SIGLECL1: variants seen among roughly 807,000 people sequenced by gnomAD.
The protein encoded by SIGLECL1 is SIGLEC family like 1.
SIGLECL1 carries 16 observed loss-of-function variants against 19.1 expected under a neutral mutation model. The ratio of observed to expected loss-of-function variants is 0.84; its 90% confidence interval spans 0.57 to 1.27. The LOEUF is 1.27. Ranked by LOEUF, SIGLECL1 falls within the 50% of genes most tolerant of loss-of-function variation. SIGLECL1 has a pLI of 0.00. For missense variants in SIGLECL1, 210 were observed against 239.4 expected (o/e 0.88, Z 0.81); for synonymous variants, 89 against 90.4 (o/e 0.98, Z 0.09).
At chr19:51,255,637 A>C (rs553799802) in intron 1 of SIGLECL1, among the ~76,000 whole-genome samples, 2 of 152,228 alleles carry the variant, frequency 1.3e-5, no homozygotes, top group East Asian at 3.8e-4. Context: ...GGACCTGAAT[A>C]GGCATTTCAT....
rs577099455 is a variant in SIGLECL1 at position 51,263,737 on chromosome 19, G to A, written c.-190-146G>A. The A allele has an allele frequency of 7.5e-5, 14 of 185,434 alleles. No individual in the cohort carries two copies. In the East Asian group the frequency reaches 1.4e-3, roughly 18 times the overall value. 11.5% of individuals were successfully genotyped at this position (185,434 alleles called of 1,614,324 possible). ...CGAGCCACTGCACTCCAGCCTGGGC[G>A]ACAGAGTAAGATTCCATCTCAAAAA... On this transcript the variant is annotated intron_variant, in intron 1 of 5. Transcript: ENST00000601727.
At chr19:51,250,678 G>A (rs191626771), upstream of SIGLECL1, among the ~76,000 whole-genome samples, 1 of 152,366 alleles carries the variant, frequency 6.6e-6, no homozygotes, top group Non-Finnish European at 1.5e-5. Flanking sequence ...GGAGAGGAGT[G>A]TGGTTTCATC....
At chr19:51,267,256 T>A (rs1018080465) in intron 4 of SIGLECL1, 117 bp from the exon 5 acceptor site, 4 of 1,295,936 alleles carry the variant, frequency 3.1e-6, no homozygotes, top group Non-Finnish European at 3.2e-6. Flanking sequence ...CCCTAGGTCA[T>A]ACAGCAAGCT....
intron 1 of SIGLECL1, among the ~76,000 whole-genome samples, chr19:51,254,995 C>G (rs145619584): frequency 0.027 from 4,154 of 152,246 alleles, 199 homozygotes; most frequent in African/African-American, 0.095. Context: ...CGCAGTGGCT[C>G]ACGCCTGTAA....
At chr19:51,259,584 C>T (rs953654919) in intron 1 of SIGLECL1, among the ~76,000 whole-genome samples, 36 of 152,180 alleles carry the variant, frequency 2.4e-4, no homozygotes, top group South Asian at 4.1e-4. Context: ...AGAAAATTTC[C>T]AATGGAGAGA....
At position 51,267,378 on chromosome 19, in the gene SIGLECL1, A is replaced by G; in HGVS notation, c.416A>G (p.Lys139Arg). Residue 139 changes from lysine to arginine, a missense_variant, in exon 5 of 6, where the codon AAA becomes AGA. By Grantham distance (26) the Lys-to-Arg change is conservative. Coordinates refer to ENST00000601727, the MANE Select transcript of SIGLECL1 (RefSeq NM_001385465.1). ...TCCAAGGCTTATTTCCTTAGAGTGA[A>G]ACATATCAGAAAGAAGCAGGCGAAG... ...LFLCLLPLIV[K>R]HIRKKQAKKA... The G allele has an allele frequency of 6.2e-7, 1 of 1,611,910 alleles. No homozygotes were observed. The highest frequency in any genetic ancestry group is 8.5e-7 in the Non-Finnish European group (1 of 1,179,958).
chr19:51,263,805 T>G (rs1983417607), intron 1 of SIGLECL1, 78 bp from the exon 2 acceptor site: 2 of 380,776 alleles, frequency 5.3e-6, no homozygotes, highest in Admixed American at 9.3e-5. Context: ...ACACTGAGGC[T>G]TCACAGACAA....
chr19:51,248,364 C>T (rs1002374123), upstream of SIGLECL1, among the ~76,000 whole-genome samples: 1 of 152,170 alleles, frequency 6.6e-6, no homozygotes, highest in African/African-American at 2.4e-5. Context: ...ATAAAATTTG[C>T]AGCATTCACC....
chr19:51,253,148 G>T (rs552103204), intron 1 of SIGLECL1, among the ~76,000 whole-genome samples: 1 of 152,206 alleles, frequency 6.6e-6, no homozygotes, highest in Non-Finnish European at 1.5e-5. Context: ...GTTAAATGCT[G>T]ATAGGAGCTA....
chr19:51,252,352 C>A (rs922336922), intron 1 of SIGLECL1, among the ~76,000 whole-genome samples: 3 of 151,390 alleles, frequency 2.0e-5, no homozygotes, highest in African/African-American at 7.3e-5. Flanking sequence ...CATGACGAGT[C>A]ATCACATGTA....
intron 1 of SIGLECL1, among the ~76,000 whole-genome samples, chr19:51,253,707 G>T: frequency 6.6e-6 from 1 of 152,174 alleles, no homozygotes; most frequent in East Asian, 1.9e-4. Context: ...TTGGAGAGGA[G>T]AATGAACTTC....
At chr19:51,261,712 G>T (rs536527530) in intron 1 of SIGLECL1, among the ~76,000 whole-genome samples, 2 of 152,198 alleles carry the variant, frequency 1.3e-5, no homozygotes, top group South Asian at 4.2e-4. Context: ...GATAATTTAA[G>T]CCATTTATAT....
At position 51,268,972 on chromosome 19, in the gene SIGLECL1, C is replaced by A. The variant is rs1464339678; in HGVS notation, c.*375C>A. 2 of 192,894 alleles carry A rather than the reference C, an allele frequency of 1.0e-5. No individual in the cohort carries two copies. Among genetic ancestry groups the A allele is most frequent in the African/African-American group, 4.7e-5 (2 of 42,224 alleles). 11.9% of individuals were successfully genotyped at this position (192,894 alleles called of 1,614,324 possible). ...CTACTGTGTGTCAGTGCCTGAGATA[C>A]ACCTACAAGAGCGCCAGGCTTTCAA... On this transcript the variant is annotated 3_prime_UTR_variant, in exon 6 of 6. Transcript: ENST00000601727.
In SIGLECL1 at chr19:51,263,927, G is replaced by A. The variant is rs982377048; in HGVS notation, c.-146G>A. 4 of 958,248 alleles carry A rather than the reference G, an allele frequency of 4.2e-6. No individual in the cohort carries two copies. Among genetic ancestry groups the A allele is most frequent in the South Asian group, 1.7e-5 (1 of 60,136 alleles). 59.4% of individuals were successfully genotyped at this position (958,248 alleles called of 1,614,324 possible). On this transcript the variant is annotated 5_prime_UTR_variant, in exon 2 of 6. Coordinates refer to ENST00000601727, the MANE Select transcript of SIGLECL1 (RefSeq NM_001385465.1). ...GACCAGAGACAGAAGCCCCTGACTTGGCTAAAGATACTTCTGCTCTCCCCA... is the reference window on the plus strand; with the variant it reads ...GACCAGAGACAGAAGCCCCTGACTTAGCTAAAGATACTTCTGCTCTCCCCA...
At chr19:51,249,666 C>T (rs1428423879), upstream of SIGLECL1, among the ~76,000 whole-genome samples, 2 of 152,022 alleles carry the variant, frequency 1.3e-5, no homozygotes, top group Non-Finnish European at 2.9e-5. Flanking sequence ...ACAGTCAAAC[C>T]ATAAACAAAA....
chr19:51,262,975 T>C (rs1163999746), intron 1 of SIGLECL1, among the ~76,000 whole-genome samples: 1 of 152,224 alleles, frequency 6.6e-6, no homozygotes, highest in Non-Finnish European at 1.5e-5. Context: ...CACGGCTGAC[T>C]GCAGCCTTGA....
At chr19:51,263,584 C>G (rs1307034810) in intron 1 of SIGLECL1, among the ~76,000 whole-genome samples, 4 of 152,140 alleles carry the variant, frequency 2.6e-5, no homozygotes, top group South Asian at 2.1e-4. Context: ...ATGGTGAAAC[C>G]TCATCTCTAC....
intron 1 of SIGLECL1, among the ~76,000 whole-genome samples, chr19:51,255,267 A>G (rs1297251460): frequency 6.6e-6 from 1 of 151,948 alleles, no homozygotes; most frequent in African/African-American, 2.4e-5. Flanking sequence ...TCTCAAGAAA[A>G]AAAAAAAAAA....
At position 51,263,995 on chromosome 19, in the gene SIGLECL1, G is replaced by T. The variant is rs143751925; in HGVS notation, c.-78G>T. On this transcript the variant is annotated 5_prime_UTR_variant, in exon 2 of 6. Transcript: ENST00000601727. ...AGTTACGCATCACCTCACTCCTTCT[G>T]AACCATATGGTTCTGATGTCAGAGC... 447 of 1,579,882 alleles carry T rather than the reference G, an allele frequency of 2.8e-4. 1 individual carries two copies. In the African/African-American group the frequency reaches 5.4e-3, roughly 19 times the overall value.
Sources: gnomAD v4.1 joint callset for allele counts (sites outside exome capture counted in the v4.1 genomes callset) on GRCh38, gnomAD v4.1.1 for gene constraint, MANE v1.5 for transcripts, NCBI Gene and HGNC (gene_info 2026-07-23, HGNC 2026-07-21) for gene names.